CARMIL1: variants seen among roughly 807,000 people sequenced by gnomAD.
The protein encoded by CARMIL1 is F-actin-uncapping protein LRRC16A.
CARMIL1 carries 90 observed loss-of-function variants against 177.1 expected under a neutral mutation model. That is an observed-to-expected ratio of 0.51 (90% CI 0.43 to 0.61). The LOEUF (loss-of-function observed/expected upper bound fraction) is 0.61, where lower values mean the gene tolerates loss of function less well. Among genes scored for constraint, CARMIL1 ranks in the 20% least tolerant of loss-of-function variants. CARMIL1 has a pLI of 0.00. For synonymous variants in CARMIL1, 577 were observed against 606.2 expected, an observed-to-expected ratio of 0.95 and a Z score of 0.71; for missense variants, 1,380 against 1,667.0, an observed-to-expected ratio of 0.83 and a Z score of 3.00.
At chr6:25,294,119 C>T (rs1782207791) in intron 2 of CARMIL1, among the ~76,000 whole-genome samples, 1 of 151,888 alleles carries the variant, frequency 6.6e-6, no homozygotes, top group African/African-American at 2.4e-5. Flanking sequence ...AGGACGTCCT[C>T]TTAGAGGTAG....
intron 12 of CARMIL1, among the ~76,000 whole-genome samples, chr6:25,484,110 C>T (rs537743370): frequency 1.1e-4 from 17 of 152,218 alleles, no homozygotes; most frequent in Non-Finnish European, 2.2e-4. Flanking sequence ...CCTCTCACCA[C>T]ACCCTGTATG....
intron 5 of CARMIL1, among the ~76,000 whole-genome samples, chr6:25,442,339 G>A (rs893935886): frequency 6.6e-6 from 1 of 151,462 alleles, no homozygotes; most frequent in Non-Finnish European, 1.5e-5. Flanking sequence ...CTGAATCAAC[G>A]CTAGTGCTGC....
In CARMIL1 at chr6:25,510,581, A is replaced by C. The variant is rs536248184; in HGVS notation, c.1552A>C (p.Lys518Gln). The part of the protein sequence containing the change: ...NRSIQHLALG[K>Q]NFNNMKSKNL... ...ATCAATACAACACCTGGCGTTAGGC[A>C]AAAATTTTAATAATATGAAATCCAA... Residue 518 changes from lysine (K) to glutamine (Q), a missense_variant, in exon 19 of 37, where the codon AAA (lysine) becomes CAA (glutamine). Lys to Gln is a moderately conservative substitution (Grantham distance 53). Transcript: ENST00000329474. 1.3e-6 allele frequency: 2 copies of C among 1,552,750 alleles called. No individual in the cohort carries two copies. The highest frequency in any genetic ancestry group is 2.7e-5 in the African/African-American group (2 of 73,252).
intron 5 of CARMIL1, among the ~76,000 whole-genome samples, chr6:25,441,717 C>G (rs1797800334): frequency 6.6e-6 from 1 of 152,118 alleles, no homozygotes; most frequent in Non-Finnish European, 1.5e-5. Flanking sequence ...GAGGCCTCAC[C>G]TCTCAGACAG....
At chr6:25,290,902 G>C (rs1781906477) in intron 2 of CARMIL1, among the ~76,000 whole-genome samples, 1 of 152,104 alleles carries the variant, frequency 6.6e-6, no homozygotes, top group Non-Finnish European at 1.5e-5. Context: ...CACTTGAACT[G>C]AGCCTTGCCC....
At chr6:25,375,272 T>C (rs773146610) in intron 2 of CARMIL1, among the ~76,000 whole-genome samples, 1 of 152,232 alleles carries the variant, frequency 6.6e-6, no homozygotes, top group Non-Finnish European at 1.5e-5. Context: ...TAAAAAATGA[T>C]TGGCTGACAG....
chr6:25,549,674 A>G (rs966762653), intron 26 of CARMIL1, among the ~76,000 whole-genome samples: 2 of 152,120 alleles, frequency 1.3e-5, no homozygotes, highest in African/African-American at 4.8e-5. Context: ...GAGAAATTTT[A>G]TTGGTGGATT....
intron 2 of CARMIL1, among the ~76,000 whole-genome samples, chr6:25,357,240 T>C (rs190768943): frequency 8.5e-4 from 130 of 152,300 alleles, no homozygotes; most frequent in Admixed American, 3.5e-3. Context: ...CTTGCTACAA[T>C]TTGAAAGCAC....
chr6:25,339,559 C>T (rs1240731586), intron 2 of CARMIL1, among the ~76,000 whole-genome samples: 1 of 152,164 alleles, frequency 6.6e-6, no homozygotes, highest in Non-Finnish European at 1.5e-5. Context: ...AGATATTCTT[C>T]CTTGAGTACA....
chr6:25,370,620 G>C (rs140609068), intron 2 of CARMIL1, among the ~76,000 whole-genome samples: 7 of 152,320 alleles, frequency 4.6e-5, no homozygotes, highest in African/African-American at 1.4e-4. Context: ...TGGGATGATA[G>C]AGTAGCACTA....
At chr6:25,436,221 A>AG (rs1450738018) in intron 5 of CARMIL1, among the ~76,000 whole-genome samples, 1 of 152,116 alleles carries the variant, frequency 6.6e-6, no homozygotes, top group African/African-American at 2.4e-5. Context: ...GTTGGGATGG[A>AG]GGAATTAGAT....
intron 23 of CARMIL1, among the ~76,000 whole-genome samples, chr6:25,526,058 CCAGCACTT>C (rs1807066712): frequency 6.6e-6 from 1 of 151,436 alleles, no homozygotes; most frequent in South Asian, 2.1e-4. Context: ...GCCTGTAATC[CCAGCACTT>C]TGGGAGGCCG....
At chr6:25,603,178 C>A (rs1272183612) in intron 33 of CARMIL1, among the ~76,000 whole-genome samples, 6 of 152,176 alleles carry the variant, frequency 3.9e-5, no homozygotes, top group East Asian at 1.9e-4. Flanking sequence ...CTTGGAGGAA[C>A]CTGAAAGGGA....
intron 2 of CARMIL1, among the ~76,000 whole-genome samples, chr6:25,416,554 T>A (rs1181922688): frequency 1.3e-5 from 2 of 152,204 alleles, no homozygotes; most frequent in Non-Finnish European, 2.9e-5. Flanking sequence ...ATTATTACTA[T>A]GTTTGTGAAA....
At chr6:25,339,071 A>C (rs1386837627) in intron 2 of CARMIL1, among the ~76,000 whole-genome samples, 2 of 151,278 alleles carry the variant, frequency 1.3e-5, no homozygotes, top group African/African-American at 4.9e-5. Flanking sequence ...TGTCCCCATC[A>C]ATATAAAATA....
chr6:25,605,298 C>T (rs540765005), intron 34 of CARMIL1, among the ~76,000 whole-genome samples: 4 of 152,318 alleles, frequency 2.6e-5, no homozygotes, highest in Admixed American at 6.5e-5. Flanking sequence ...CAATATGCTT[C>T]GCTTGCAGCT....
intron 27 of CARMIL1, among the ~76,000 whole-genome samples, chr6:25,553,763 A>T (rs1303186731): frequency 6.6e-6 from 1 of 152,174 alleles, no homozygotes; most frequent in African/African-American, 2.4e-5. Flanking sequence ...TCTACCATTA[A>T]ATCTTGAGTT....
chr6:25,585,702 G>C (rs1044268215), intron 31 of CARMIL1, among the ~76,000 whole-genome samples: 3 of 152,118 alleles, frequency 2.0e-5, no homozygotes, highest in African/African-American at 7.2e-5. Flanking sequence ...GCGGCCTTCC[G>C]CAGTGTTTGT....
At chr6:25,496,718 G>T (rs1803764488) in intron 16 of CARMIL1, among the ~76,000 whole-genome samples, 1 of 152,140 alleles carries the variant, frequency 6.6e-6, no homozygotes, top group South Asian at 2.1e-4. Context: ...TACTTACTGA[G>T]CATCTACAGT....
Sources: allele counts gnomAD v4.1 joint callset (sites outside exome capture counted in the v4.1 genomes callset), GRCh38; gene constraint gnomAD v4.1.1; transcripts MANE v1.5; gene names NCBI Gene and HGNC (gene_info 2026-07-23, HGNC 2026-07-21).